SGCB: variants seen among roughly 807,000 people sequenced by gnomAD.
The protein encoded by SGCB is sarcoglycan beta, also known as beta-sarcoglycan.
A neutral mutation model predicts 27.3 loss-of-function variants in SGCB; 25 were observed. The observed-to-expected ratio is 0.92, with a 90% CI of 0.67 to 1.28. The LOEUF is 1.28. SGCB is among the 50% of genes most tolerant of loss of function. SGCB has a pLI of 0.00. For synonymous variants in SGCB, 147 were observed against 133.5 expected, an observed-to-expected ratio of 1.10 and a Z score of -0.70; for missense variants, 436 against 402.1, an observed-to-expected ratio of 1.08 and a Z score of -0.72.
chr4:52,025,637 T>C (rs1336811639), intron 5 of SGCB, among the ~76,000 whole-genome samples: 4 of 152,208 alleles, frequency 2.6e-5, no homozygotes, highest in Non-Finnish European at 5.9e-5. Context: ...ATTTGGAGGA[T>C]TCTGAATACA....
rs2109372068 is a variant in SGCB, at chr4:52,029,849, A to G, written c.258T>C (p.Ile86=). Reference sequence around the variant, plus strand: ...TTGGTCCAATGCGAATCACGGCCCAAATAACAAGTGTTATCTGAAAAAGAA... The same window carrying G: ...TTGGTCCAATGCGAATCACGGCCCAGATAACAAGTGTTATCTGAAAAAGAA... The part of the protein sequence containing the change: ...AVINLIITLV[I]WAVIRIGPNG... Residue 86 remains isoleucine (I), a synonymous_variant, in exon 3 of 6, where the codon ATT becomes ATC. Transcript: ENST00000381431. 1 of 1,613,444 alleles carries G rather than the reference A, an allele frequency of 6.2e-7. No homozygotes were observed. Among genetic ancestry groups the G allele is most frequent in the South Asian group, 1.1e-5 (1 of 91,072 alleles).
At position 52,023,030 on chromosome 4, in the gene SGCB, TAA is replaced by T. The variant is rs1736997537; in HGVS notation, c.*925_*926del. ...TCATCTTTCTAGAGTTTTAAATAATTAAAAAGTCAGTGCAGAGAGTGAAAACA... is the reference window on the plus strand; with the variant it reads ...TCATCTTTCTAGAGTTTTAAATAATTAAAGTCAGTGCAGAGAGTGAAAACA... On this transcript the variant is annotated 3_prime_UTR_variant, in exon 6 of 6. Transcript: ENST00000381431. 1 of 152,194 alleles carries T rather than the reference TAA, an allele frequency of 6.6e-6. No individual in the cohort carries two copies. Among genetic ancestry groups the T allele is most frequent in the South Asian group, 2.1e-4 (1 of 4,830 alleles). The allele number at this position is 152,194 out of a possible 1,614,324, so 9.4% of individuals were successfully genotyped here.
In SGCB at chr4:52,033,658, C is replaced by T. The variant is rs1416436578; in HGVS notation, c.34-18G>A. Reference sequence around the variant, plus strand: ...GAACTTTGCTAAAAATGAAATACAACATAATGGAACAGCTATACCCTCTCG... The same window carrying T: ...GAACTTTGCTAAAAATGAAATACAATATAATGGAACAGCTATACCCTCTCG... On this transcript the variant is annotated intron_variant, in intron 1 of 5. Coordinates refer to ENST00000381431, the MANE Select transcript of SGCB (RefSeq NM_000232.5). 1 of 1,569,266 alleles carries T rather than the reference C, an allele frequency of 6.4e-7. No homozygotes were observed. Among genetic ancestry groups the T allele is most frequent in the Non-Finnish European group, 8.8e-7 (1 of 1,139,634 alleles).
chr4:52,034,439 T>C (rs1298516748), intron 1 of SGCB, among the ~76,000 whole-genome samples: 1 of 137,554 alleles, frequency 7.3e-6, no homozygotes, highest in Non-Finnish European at 1.5e-5. Flanking sequence ...CCCTAAACAA[T>C]ACAGTATAAC....
chr4:52,034,472 T>G (rs1362137946), intron 1 of SGCB, among the ~76,000 whole-genome samples: 2 of 151,660 alleles, frequency 1.3e-5, no homozygotes, highest in African/African-American at 2.4e-5. Context: ...AGTGTTTACA[T>G]TGTGTTCAGT....
In SGCB at chr4:52,023,866, T is replaced by C; in HGVS notation, c.*91A>G. The C allele has an allele frequency of 3.1e-6, 3 of 974,748 alleles. No homozygotes were observed. Among genetic ancestry groups the C allele is most frequent in the Non-Finnish European group, 4.9e-6 (3 of 606,118 alleles). 60.4% of individuals were successfully genotyped at this position (974,748 alleles called of 1,614,324 possible). On this transcript the variant is annotated 3_prime_UTR_variant, in exon 6 of 6. Coordinates refer to ENST00000381431, the MANE Select transcript of SGCB (RefSeq NM_000232.5). ...CAGTGCTCTGCCATTAAAATAATTATGAGTTATCACAAACTCTGTAAAAAC... is the reference window on the plus strand; with the variant it reads ...CAGTGCTCTGCCATTAAAATAATTACGAGTTATCACAAACTCTGTAAAAAC...
Position 52,036,606 on chromosome 4 carries a change from G to A in SGCB, c.33+1621C>T, listed in dbSNP as rs186806094. ...AGAGTCCCAATGAGGTACTGACTGA[G>A]GTTTGACTTTGAAGCTGAAGTCTGG... On this transcript the variant is annotated intron_variant, in intron 1 of 5. Coordinates refer to ENST00000381431, the MANE Select transcript of SGCB (RefSeq NM_000232.5). 8.6e-4 allele frequency among the ~76,000 whole-genome samples: 131 copies of A among 152,300 alleles called. 4 individuals carry two copies. Among genetic ancestry groups the A allele is most frequent in the Admixed American group, 7.1e-3 (108 of 15,290 alleles).
In SGCB at chr4:52,023,059, C is replaced by T. The variant is rs1736998258; in HGVS notation, c.*898G>A. 6.6e-6 allele frequency: 1 copy of T among 152,174 alleles called. No homozygotes were observed. Among genetic ancestry groups the T allele is most frequent in the African/African-American group, 2.4e-5 (1 of 41,442 alleles). The allele number at this position is 152,174 out of a possible 1,614,324, so 9.4% of individuals were successfully genotyped here. A position where few individuals can be genotyped will look rare whatever the true frequency, so the allele number is the denominator to read the frequency against. On this transcript the variant is annotated 3_prime_UTR_variant, in exon 6 of 6. Transcript: ENST00000381431. ...AAGTCAGTGCAGAGAGTGAAAACAA[C>T]ATGGCATTTGGAATCAAGTACATCC...
chr4:52,032,018 C>T (rs1005776495), intron 2 of SGCB: 3 of 451,884 alleles, frequency 6.6e-6, no homozygotes, highest in African/African-American at 6.0e-5. Context: ...AGGACCCAGA[C>T]TTTCCTGTTT....
intron 5 of SGCB, among the ~76,000 whole-genome samples, chr4:52,024,814 C>T (rs992764354): frequency 1.0e-4 from 11 of 109,550 alleles, no homozygotes; most frequent in African/African-American, 3.5e-4. Flanking sequence ...GGTGACTGAG[C>T]GAGACACTGT....
At chr4:52,037,548 T>C (rs771538567) in intron 1 of SGCB, among the ~76,000 whole-genome samples, 1 of 152,218 alleles carries the variant, frequency 6.6e-6, no homozygotes. Context: ...TATGTATATA[T>C]TAACACACAC....
chr4:52,028,887 A>G lies in SGCB; in HGVS notation c.464T>C (p.Val155Ala). 6.2e-7 allele frequency: 1 copy of G among 1,614,038 alleles called. No homozygotes were observed. The highest frequency in any genetic ancestry group is 1.1e-5 in the South Asian group (1 of 91,084). Residue 155 changes from valine to alanine, a missense_variant, in exon 4 of 6, where the codon GTA becomes GCA. By Grantham distance (64) the Val-to-Ala change is moderately conservative. Coordinates refer to ENST00000381431, the MANE Select transcript of SGCB (RefSeq NM_000232.5). ...VFQQGTTKLS[V>A]ENNKTSITSD... is the part of the protein sequence containing the mutation. The stretch of plus-strand genomic sequence containing the variant: ...TGTAATAGAAGTTTTGTTGTTTTCT[A>G]CACTGAGCTTTGTTGTCCCTTGCTG...
At position 52,027,983 on chromosome 4, in the gene SGCB, A is replaced by G. The variant is rs1737145890; in HGVS notation, c.738T>C (p.Asn246=). 1 of 1,613,798 alleles carries G rather than the reference A, an allele frequency of 6.2e-7. No individual in the cohort carries two copies. Among genetic ancestry groups the G allele is most frequent in the Non-Finnish European group, 8.5e-7 (1 of 1,179,870 alleles). The change falls in exon 5 of 6, where the codon AAT becomes AAC. Residue 246 remains asparagine, a synonymous_variant. Transcript: ENST00000381431. The stretch of plus-strand genomic sequence containing the variant: ...GAATACTCACCGCCTTTAACTCCAT[A>G]TTACCACCCATGTGAAATTCAATGG... ...GKTIEFHMGG[N]MELKAENSII...
chr4:52,022,798 T>C lies in SGCB; in HGVS notation c.*1159A>G, dbSNP rs767573387. ...TGTTACTCCAGTGTGCCAAGGTCCA[T>C]TGTTGGGAAACTGAGGTAACTCAGA... is the stretch of plus-strand genomic sequence containing the variant. On this transcript the variant is annotated 3_prime_UTR_variant, in exon 6 of 6. Transcript: ENST00000381431. 6.6e-6 allele frequency: 1 copy of C among 152,190 alleles called. No homozygotes were observed. The highest frequency in any genetic ancestry group is 1.5e-5 in the Non-Finnish European group (1 of 68,038). 9.4% of individuals were successfully genotyped at this position (152,190 alleles called of 1,614,324 possible). A position where few individuals can be genotyped will look rare whatever the true frequency, so the allele number is the denominator to read the frequency against.
At position 52,021,748 on chromosome 4, in the gene SGCB, C is replaced by T. The variant is rs1736956558; in HGVS notation, c.*2209G>A. 6.6e-6 allele frequency: 1 copy of T among 152,110 alleles called. No individual in the cohort carries two copies. The highest frequency in any genetic ancestry group is 1.5e-5 in the Non-Finnish European group (1 of 68,014). The allele number at this position is 152,110 out of a possible 1,614,324, so 9.4% of individuals were successfully genotyped here. A position where few individuals can be genotyped will look rare whatever the true frequency, so the allele number is the denominator to read the frequency against. On this transcript the variant is annotated 3_prime_UTR_variant, in exon 6 of 6. Coordinates refer to ENST00000381431, the MANE Select transcript of SGCB (RefSeq NM_000232.5). ...CTGTTCTGCTTTCTAATAGATTTTC[C>T]AAGCTTATGTTTCAGGGAAAAAGCC...
Position 52,024,093 on chromosome 4 carries a change from C to T in SGCB, c.821G>A (p.Gly274Glu), listed in dbSNP as rs2110209607. Reference sequence around the variant, plus strand: ...CCAGTCACCACTACCCAACTGGTCTCCACTGGAGGAACTGGGTAGGCGGGT... The same window carrying T: ...CCAGTCACCACTACCCAACTGGTCTTCACTGGAGGAACTGGGTAGGCGGGT... ...STTRLPSSSSGDQLGSGDWVR... is the reference protein window; with the variant it reads ...STTRLPSSSSEDQLGSGDWVR... Residue 274 changes from glycine (G) to glutamate (E), a missense_variant, in exon 6 of 6, where the codon GGA (glycine) becomes GAA (glutamate). Coordinates refer to ENST00000381431, the MANE Select transcript of SGCB (RefSeq NM_000232.5). The T allele has an allele frequency of 1.2e-6, 2 of 1,614,040 alleles. No individual in the cohort carries two copies. The highest frequency in any genetic ancestry group is 1.3e-5 in the African/African-American group (1 of 74,988).
chr4:52,029,858 T>C lies in SGCB; in HGVS notation c.249A>G (p.Thr83=), dbSNP rs565862702. The C allele has an allele frequency of 4.3e-5, 70 of 1,613,104 alleles. 1 individual carries two copies. The South Asian group carries it at 6.7e-4, about 15-fold the overall frequency. The change falls in exon 3 of 6, where the codon ACA becomes ACG. Residue 83 remains threonine, a synonymous_variant. Transcript: ENST00000381431. ...FILAVINLII[T]LVIWAVIRIG... ...TGCGAATCACGGCCCAAATAACAAG[T>C]GTTATCTGAAAAAGAACACAAGTCC...
intron 1 of SGCB, among the ~76,000 whole-genome samples, chr4:52,034,030 T>A (rs988503058): frequency 2.0e-5 from 3 of 151,822 alleles, no homozygotes; most frequent in African/African-American, 7.3e-5. Context: ...ATTTAACCAC[T>A]GTGGATCAAA....
chr4:52,037,076 A>C (rs1737411594), intron 1 of SGCB, among the ~76,000 whole-genome samples: 1 of 152,214 alleles, frequency 6.6e-6, no homozygotes, highest in Non-Finnish European at 1.5e-5. Flanking sequence ...CAGATGGAAA[A>C]ACAATCATCT....
Sources: gnomAD v4.1 joint callset for allele counts (sites outside exome capture counted in the v4.1 genomes callset) on GRCh38, gnomAD v4.1.1 for gene constraint, MANE v1.5 for transcripts, NCBI Gene and HGNC (gene_info 2026-07-23, HGNC 2026-07-21) for gene names.